METTL24: variants seen among roughly 807,000 people sequenced by gnomAD.
The protein encoded by METTL24 is methyltransferase like 24, also known as probable methyltransferase-like protein 24.
Under a neutral mutation model 32.7 loss-of-function variants are expected in METTL24, and 29 were observed. That is an observed-to-expected ratio of 0.89 (90% confidence interval 0.66 to 1.21). The LOEUF is 1.21. METTL24 is among the 50% of genes most tolerant of loss of function. The probability of loss-of-function intolerance (pLI) is 0.00; values close to 1 mark genes in which losing one functional copy is unlikely to be tolerated. For synonymous variants in METTL24, 163 were observed against 179.5 expected, an observed-to-expected ratio of 0.91 and a Z score of 0.73; for missense variants, 439 against 468.1, an observed-to-expected ratio of 0.94 and a Z score of 0.57.
chr6:110,292,916 GGATTT>G (rs1305857496), intron 4 of METTL24, among the ~76,000 whole-genome samples: 4 of 151,804 alleles, frequency 2.6e-5, no homozygotes, highest in African/African-American at 9.7e-5. Context: ...GGAGGTATGT[GGATTT>G]ATTTCTGGAG....
At chr6:110,354,186 T>TTTTCA (rs1276791915) in intron 1 of METTL24, among the ~76,000 whole-genome samples, 18 of 152,222 alleles carry the variant, frequency 1.2e-4, no homozygotes, top group African/African-American at 4.3e-4. Flanking sequence ...GAACCCCTGA[T>TTTTCA]GTCGAAAGAT....
intron 1 of METTL24, among the ~76,000 whole-genome samples, chr6:110,339,031 C>A (rs1213496538): frequency 1.3e-5 from 2 of 152,228 alleles, no homozygotes; most frequent in Admixed American, 6.5e-5. Flanking sequence ...TCTAATCATT[C>A]ATCCTGGATA....
At chr6:110,252,147 A>T (rs1003477064) in intron 4 of METTL24, among the ~76,000 whole-genome samples, 2 of 152,182 alleles carry the variant, frequency 1.3e-5, no homozygotes, top group Middle Eastern at 3.2e-3. Context: ...CTTCCTTAAA[A>T]AACAAAACAA....
At chr6:110,287,992 C>T (rs748358086) in intron 4 of METTL24, among the ~76,000 whole-genome samples, 3 of 152,096 alleles carry the variant, frequency 2.0e-5, no homozygotes, top group African/African-American at 4.8e-5. Flanking sequence ...AAATGTGTTC[C>T]GGTACAACAG....
In METTL24 at chr6:110,322,374, G is replaced by C. The variant is rs547306237; in HGVS notation, c.417+400C>G. 2.0e-5 allele frequency among the ~76,000 whole-genome samples: 3 copies of C among 152,314 alleles called. No individual in the cohort carries two copies. In the South Asian group the frequency reaches 6.2e-4, roughly 32 times the overall value. ...GCCAAGCATCTGTGACAGAAGAGTGGAAAGGCAAGTTCCTCCAAATACAAA... is the reference window on the plus strand; with the variant it reads ...GCCAAGCATCTGTGACAGAAGAGTGCAAAGGCAAGTTCCTCCAAATACAAA... On this transcript the variant is annotated intron_variant, in intron 2 of 4. Coordinates refer to ENST00000338882, the MANE Select transcript of METTL24 (RefSeq NM_001123364.3).
chr6:110,260,721 T>C (rs1770702280), intron 4 of METTL24, among the ~76,000 whole-genome samples: 2 of 152,152 alleles, frequency 1.3e-5, no homozygotes, highest in East Asian at 1.9e-4. Flanking sequence ...GAGAGAAAGA[T>C]TGGATTACCC....
chr6:110,288,279 C>T (rs954625160), intron 4 of METTL24, among the ~76,000 whole-genome samples: 1 of 152,156 alleles, frequency 6.6e-6, no homozygotes, highest in Non-Finnish European at 1.5e-5. Context: ...CCAGCCAGCA[C>T]TATCAGCATC....
At chr6:110,323,701 G>A (rs1771970535) in intron 1 of METTL24, among the ~76,000 whole-genome samples, 2 of 152,120 alleles carry the variant, frequency 1.3e-5, no homozygotes, top group Non-Finnish European at 2.9e-5. Context: ...ACCTCCAGGA[G>A]GTTTGCTGCA....
intron 1 of METTL24, among the ~76,000 whole-genome samples, chr6:110,350,000 G>A (rs1772561219): frequency 6.6e-6 from 1 of 152,216 alleles, no homozygotes; most frequent in African/African-American, 2.4e-5. Context: ...CTCGGCCACT[G>A]AGCTACTCTG....
chr6:110,340,570 C>T (rs961768514), intron 1 of METTL24, among the ~76,000 whole-genome samples: 2 of 152,178 alleles, frequency 1.3e-5, no homozygotes, highest in African/African-American at 2.4e-5. Flanking sequence ...TCTTCATGAG[C>T]GACCTTCATG....
At chr6:110,273,522 A>G (rs1017811130) in intron 4 of METTL24, among the ~76,000 whole-genome samples, 29 of 152,056 alleles carry the variant, frequency 1.9e-4, no homozygotes, top group African/African-American at 6.3e-4. Context: ...CAAATCATCA[A>G]GAAAAAAAAA....
At chr6:110,299,900 T>G (rs1771489655) in intron 3 of METTL24, among the ~76,000 whole-genome samples, 1 of 152,132 alleles carries the variant, frequency 6.6e-6, no homozygotes, top group East Asian at 1.9e-4. Flanking sequence ...ATGAAAAGCA[T>G]GAAATTAACT....
intron 4 of METTL24, among the ~76,000 whole-genome samples, chr6:110,295,810 G>GAAGGAAGGAAGC (rs1771405429): frequency 6.7e-6 from 1 of 150,058 alleles, no homozygotes; most frequent in African/African-American, 2.5e-5. Context: ...AGGAAGGAAG[G>GAAGGAAGGAAGC]AAGGAAGGAA....
At position 110,244,441 on chromosome 6, in the gene METTL24, TA is replaced by T. The variant is rs1409921534; in HGVS notation, c.*1504del. On this transcript the variant is annotated 3_prime_UTR_variant, in exon 5 of 5. Coordinates refer to ENST00000338882, the MANE Select transcript of METTL24 (RefSeq NM_001123364.3). The stretch of plus-strand genomic sequence containing the variant: ...AGTGCTTTTTCAAATACGTAAAATC[TA>T]AAAAGTGTAATACCCAAAGTATTAG... 6.6e-6 allele frequency among the ~76,000 whole-genome samples: 1 copy of T among 152,046 alleles called. No homozygotes were observed. Among genetic ancestry groups the T allele is most frequent in the Non-Finnish European group, 1.5e-5 (1 of 67,998 alleles).
At chr6:110,246,318 G>T in intron 4 of METTL24, 58 bp from the exon 5 acceptor site, 1 of 1,437,582 alleles carries the variant, frequency 7.0e-7, no homozygotes, top group South Asian at 1.3e-5. Context: ...TTGATATCAG[G>T]AGTTTCACAT....
chr6:110,356,797 G>A (rs1043611116), intron 1 of METTL24, among the ~76,000 whole-genome samples: 2 of 152,210 alleles, frequency 1.3e-5, no homozygotes, highest in African/African-American at 4.8e-5. Context: ...TGAGGTTTGC[G>A]AGATAGAAAA....
chr6:110,298,941 T>C lies in METTL24; in HGVS notation c.767A>G (p.Asn256Ser), dbSNP rs368846661. 9.3e-5 allele frequency: 150 copies of C among 1,613,990 alleles called. No individual in the cohort carries two copies. The highest frequency in any genetic ancestry group is 1.2e-4 in the Non-Finnish European group (139 of 1,179,990). The change falls in exon 4 of 5, where the codon AAT becomes AGT. Residue 256 changes from asparagine (N) to serine (S), a missense_variant. Asn to Ser is a conservative substitution (Grantham distance 46, BLOSUM62 1). Transcript: ENST00000338882. The stretch of plus-strand genomic sequence containing the variant: ...CCTCACCTTGTGATGTCCAAATTCA[T>C]TCAAAATGCTTCCCAGTTTTCTGGT... Reference protein sequence around the residue: ...SNTRKLGSILNEFGHHKIDVL... With the variant: ...SNTRKLGSILSEFGHHKIDVL...
rs1778161672 is a variant in METTL24 at position 110,246,409 on chromosome 6, C to A, written c.787-149G>T. ...TTCAAGTGGCCATTTGCATTTATGA[C>A]ATGAATTTCTAACCCCATTCCCTAC... is the stretch of plus-strand genomic sequence containing the variant. On this transcript the variant is annotated intron_variant, in intron 4 of 4. Transcript: ENST00000338882. 4 of 670,860 alleles carry A rather than the reference C, an allele frequency of 6.0e-6. No homozygotes were observed. The East Asian group carries it at 8.3e-5, about 14-fold the overall frequency. The allele number at this position is 670,860 out of a possible 1,614,324, so 41.6% of individuals were successfully genotyped here.
intron 1 of METTL24, chr6:110,357,384 C>G (rs1482099971): frequency 6.6e-6 from 1 of 152,198 alleles, no homozygotes; most frequent in East Asian, 1.9e-4. Flanking sequence ...GGGCTGGGTG[C>G]TCGGCTTCTC....
Sources: allele counts gnomAD v4.1 joint callset (sites outside exome capture counted in the v4.1 genomes callset), GRCh38; gene constraint gnomAD v4.1.1; transcripts MANE v1.5; gene names NCBI Gene and HGNC (gene_info 2026-07-23, HGNC 2026-07-21).